Variants in CSMD1 observed in about 807,000 individuals in gnomAD.
The protein encoded by CSMD1 is CUB and sushi domain-containing protein 1.
Under a neutral mutation model 417.5 loss-of-function variants are expected in CSMD1, and 213 were observed. That is an observed-to-expected ratio of 0.51 (90% CI 0.46 to 0.57). The LOEUF (loss-of-function observed/expected upper bound fraction) is 0.57. Among genes scored for constraint, CSMD1 ranks in the 20% least tolerant of loss-of-function variants. The pLI is 0.00. For missense variants in CSMD1, 6,923 were observed against 4,529.7 expected, an observed-to-expected ratio of 1.53 and a Z score of -15.17; for synonymous variants, 2,862 against 1,736.8, an observed-to-expected ratio of 1.65 and a Z score of -16.11.
chr8:4,901,645 A>C (rs910057689), intron 1 of CSMD1, among the ~76,000 whole-genome samples: 1 of 152,210 alleles, frequency 6.6e-6, no homozygotes, highest in Non-Finnish European at 1.5e-5. Flanking sequence ...AAAACTAGAA[A>C]GTTTGCAAGG....
chr8:3,891,338 C>A (rs112748313), intron 5 of CSMD1, among the ~76,000 whole-genome samples: 1 of 152,138 alleles, frequency 6.6e-6, no homozygotes, highest in Non-Finnish European at 1.5e-5. Context: ...GCGTGAGCCA[C>A]CGCGCCTATC....
In CSMD1 at chr8:3,929,498, C is replaced by G. The variant is rs186341424; in HGVS notation, c.818+68405G>C. On this transcript the variant is annotated intron_variant, in intron 5 of 69. Coordinates refer to ENST00000635120, the MANE Select transcript of CSMD1 (RefSeq NM_033225.6). The stretch of plus-strand genomic sequence containing the variant: ...TGCTGTCTCTGAAGGACTCTGCAAT[C>G]TGCATATTGAAATTCAAAGTCAACG... 2.0e-5 allele frequency among the ~76,000 whole-genome samples: 3 copies of G among 150,474 alleles called. 1 individual carries two copies. Among genetic ancestry groups the G allele is most frequent in the South Asian group, 4.3e-4 (2 of 4,664 alleles).
chr8:3,895,783 A>C (rs1219556967), intron 5 of CSMD1, among the ~76,000 whole-genome samples: 1 of 152,144 alleles, frequency 6.6e-6, no homozygotes, highest in Non-Finnish European at 1.5e-5. Flanking sequence ...TCCTACGGTC[A>C]TAACTCTTCA....
At chr8:3,390,973 A>G (rs921396268) in intron 17 of CSMD1, among the ~76,000 whole-genome samples, 5 of 152,296 alleles carry the variant, frequency 3.3e-5, no homozygotes, top group African/African-American at 1.2e-4. Flanking sequence ...CAAACTGGCC[A>G]TGTTACATTA....
chr8:4,857,536 AAGAG>A (rs1418128396), intron 1 of CSMD1, among the ~76,000 whole-genome samples: 1 of 152,194 alleles, frequency 6.6e-6, no homozygotes, highest in Non-Finnish European at 1.5e-5. Flanking sequence ...TAATGAAAAA[AAGAG>A]AGAAGAATCA....
intron 3 of CSMD1, among the ~76,000 whole-genome samples, chr8:4,318,135 G>A (rs1342443094): frequency 2.0e-5 from 3 of 152,034 alleles, no homozygotes; most frequent in Non-Finnish European, 4.4e-5. Flanking sequence ...CAACTACATT[G>A]TTATTTATGA....
intron 1 of CSMD1, among the ~76,000 whole-genome samples, chr8:4,854,272 TGTTGGAGACAGGGCTTG>T (rs1368320190): frequency 6.6e-6 from 1 of 152,166 alleles, no homozygotes; most frequent in Non-Finnish European, 1.5e-5. Context: ...TAATCCCCAG[TGTTGGAGACAGGGCTTG>T]GTAGGAGGTG....
At chr8:3,496,037 CTT>C (rs1796350725) in intron 10 of CSMD1, among the ~76,000 whole-genome samples, 1 of 152,282 alleles carries the variant, frequency 6.6e-6, no homozygotes, top group Non-Finnish European at 1.5e-5. Context: ...TGCATTAGCT[CTT>C]TTCCCTGAAG....
rs1172040830 is a variant in CSMD1, at chr8:3,268,287, C to CTTTTTTTTTTTTTTTT, written c.4153+15856_4153+15857insAAAAAAAAAAAAAAAA. On this transcript the variant is annotated intron_variant, in intron 26 of 69. Coordinates refer to ENST00000635120, the MANE Select transcript of CSMD1 (RefSeq NM_033225.6). The stretch of plus-strand genomic sequence containing the variant: ...AGGGTGTGGTCAGATGGTTCATTTC[C>CTTTTTTTTTTTTTTTT]TATTTTTTTTTTTTTTTTTTTTTTT... Among the ~76,000 whole-genome samples the CTTTTTTTTTTTTTTTT allele has an allele frequency of 5.2e-5, 6 of 114,652 alleles. 1 individual carries two copies. Among genetic ancestry groups the CTTTTTTTTTTTTTTTT allele is most frequent in the African/African-American group, 6.9e-5 (2 of 28,786 alleles). The allele number at this position is 114,652 out of a possible 152,430, so 75.2% of individuals were successfully genotyped here.
intron 2 of CSMD1, among the ~76,000 whole-genome samples, chr8:4,573,913 T>C (rs1799010579): frequency 6.6e-6 from 1 of 152,132 alleles, no homozygotes; most frequent in Non-Finnish European, 1.5e-5. Context: ...GGCAGCTATG[T>C]TTACACTGTG....
At chr8:4,045,730 C>T (rs540380237) in intron 3 of CSMD1, among the ~76,000 whole-genome samples, 1 of 152,270 alleles carries the variant, frequency 6.6e-6, no homozygotes, top group East Asian at 1.9e-4. Context: ...TAAAATAAAA[C>T]GTGTGAACAC....
chr8:4,059,779 G>A (rs1373131847), intron 3 of CSMD1, among the ~76,000 whole-genome samples: 2 of 151,702 alleles, frequency 1.3e-5, no homozygotes, highest in Non-Finnish European at 1.5e-5. Context: ...AATAACAGGA[G>A]CTGCAATTGT....
intron 3 of CSMD1, among the ~76,000 whole-genome samples, chr8:4,284,282 T>C (rs905984917): frequency 2.6e-5 from 4 of 151,954 alleles, no homozygotes; most frequent in Non-Finnish European, 4.4e-5. Flanking sequence ...ACACAAGAAT[T>C]GCTTGAACCC....
intron 3 of CSMD1, among the ~76,000 whole-genome samples, chr8:4,413,489 T>C (rs1796760184): frequency 6.6e-6 from 1 of 152,198 alleles, no homozygotes; most frequent in Non-Finnish European, 1.5e-5. Flanking sequence ...CAGAAGGCAA[T>C]TATATCTCTG....
chr8:4,071,472 A>G (rs752797033), intron 3 of CSMD1, among the ~76,000 whole-genome samples: 4 of 151,886 alleles, frequency 2.6e-5, no homozygotes, highest in African/African-American at 7.3e-5. Flanking sequence ...TTTTCCTGAT[A>G]TTTCTAACTT....
chr8:3,018,069 CA>C (rs1158172923), intron 52 of CSMD1, among the ~76,000 whole-genome samples: 3 of 152,108 alleles, frequency 2.0e-5, no homozygotes, highest in African/African-American at 7.2e-5. Context: ...TTATTGTAGA[CA>C]TATAGCATTT....
In CSMD1 at chr8:4,401,151, G is replaced by A. The variant is rs528111065; in HGVS notation, c.415+18802C>T. On this transcript the variant is annotated intron_variant, in intron 3 of 69. Coordinates refer to ENST00000635120, the MANE Select transcript of CSMD1 (RefSeq NM_033225.6). The stretch of plus-strand genomic sequence containing the variant: ...GCTTCTGTTTGAAGCTGGGAGTCGA[G>A]GATTCATCAAAACAGGGGTTCCATC... Among the ~76,000 whole-genome samples, 43 of 152,186 alleles carry A rather than the reference G, an allele frequency of 2.8e-4. No individual in the cohort carries two copies. The South Asian group carries it at 7.5e-3, about 26-fold the overall frequency.
At chr8:3,703,100 A>G (rs1440179440) in intron 7 of CSMD1, among the ~76,000 whole-genome samples, 1 of 152,236 alleles carries the variant, frequency 6.6e-6, no homozygotes, top group Non-Finnish European at 1.5e-5. Flanking sequence ...GACTATCTTA[A>G]TATCTTTGGG....
chr8:4,825,155 A>C (rs1799750070), intron 1 of CSMD1, among the ~76,000 whole-genome samples: 2 of 152,140 alleles, frequency 1.3e-5, no homozygotes, highest in South Asian at 4.1e-4. Flanking sequence ...TACCTGAAGA[A>C]GTGGGATAAA....
Sources: allele counts gnomAD v4.1 joint callset (sites outside exome capture counted in the v4.1 genomes callset), GRCh38; gene constraint gnomAD v4.1.1; transcripts MANE v1.5; gene names NCBI Gene and HGNC (gene_info 2026-07-23, HGNC 2026-07-21).